Variants in CPEB1 observed in about 807,000 individuals in gnomAD.
The protein encoded by CPEB1 is cytoplasmic polyadenylation element-binding protein 1.
A neutral mutation model predicts 65.8 loss-of-function variants in CPEB1; 7 were observed. The observed-to-expected ratio is 0.11, with a 90% CI of 0.06 to 0.20. The LOEUF (loss-of-function observed/expected upper bound fraction) is 0.20, where lower values mean the gene tolerates loss of function less well. Ranked by LOEUF, CPEB1 falls within the 10% of genes least tolerant of loss-of-function variation. The probability of loss-of-function intolerance (pLI) is 1.00; values close to 1 mark genes in which losing one functional copy is unlikely to be tolerated. For missense variants in CPEB1, 551 were observed against 712.2 expected (o/e 0.77, Z 2.58); for synonymous variants, 262 against 260.0 (o/e 1.01, Z -0.08).
intron 3 of CPEB1, among the ~76,000 whole-genome samples, chr15:82,617,501 TATCCTGGGTGGG>T (rs934289051): frequency 2.0e-5 from 3 of 152,176 alleles, no homozygotes; most frequent in Non-Finnish European, 2.9e-5. Flanking sequence ...AATAATGTGA[TATCCTGGGTGGG>T]ATCCTGGTAC....
chr15:82,613,986 C>T (rs990195764), intron 3 of CPEB1, among the ~76,000 whole-genome samples: 2 of 151,916 alleles, frequency 1.3e-5, no homozygotes, highest in Non-Finnish European at 2.9e-5. Context: ...GGCAAGCCTC[C>T]GCCAAGCAGT....
At chr15:82,582,978 T>C (rs1174865717) in intron 3 of CPEB1, among the ~76,000 whole-genome samples, 4 of 152,018 alleles carry the variant, frequency 2.6e-5, no homozygotes, top group South Asian at 2.1e-4. Flanking sequence ...CCTGACCTTG[T>C]GATCCGCCCG....
At chr15:82,617,711 T>C (rs2044858024) in intron 3 of CPEB1, among the ~76,000 whole-genome samples, 2 of 149,974 alleles carry the variant, frequency 1.3e-5, no homozygotes, top group Admixed American at 6.6e-5. Flanking sequence ...TAATTGTTAT[T>C]AATTCTATTA....
chr15:82,584,821 A>C (rs906545733), intron 3 of CPEB1, among the ~76,000 whole-genome samples: 1 of 151,414 alleles, frequency 6.6e-6, no homozygotes, highest in Non-Finnish European at 1.5e-5. Flanking sequence ...CGTTTGAAAA[A>C]AAAAACTGGA....
chr15:82,613,774 C>T (rs1008271703), intron 3 of CPEB1, among the ~76,000 whole-genome samples: 1 of 151,772 alleles, frequency 6.6e-6, no homozygotes, highest in Non-Finnish European at 1.5e-5. Context: ...AGTTCACTCA[C>T]AACCCCTCCC....
At chr15:82,595,708 G>T (rs987562833) in intron 3 of CPEB1, among the ~76,000 whole-genome samples, 5 of 152,104 alleles carry the variant, frequency 3.3e-5, no homozygotes. Flanking sequence ...TTGAAGAAAC[G>T]TTCTCTTCTG....
chr15:82,591,723 T>C (rs1321997919), intron 3 of CPEB1, among the ~76,000 whole-genome samples: 2 of 152,200 alleles, frequency 1.3e-5, no homozygotes. Flanking sequence ...GAATCTATTT[T>C]CTGTCTCTAC....
At chr15:82,595,618 A>C (rs533637743) in intron 3 of CPEB1, among the ~76,000 whole-genome samples, 20 of 152,380 alleles carry the variant, frequency 1.3e-4, no homozygotes, top group Admixed American at 5.2e-4. Flanking sequence ...TTACTGGTCA[A>C]CTTTGGAGAA....
chr15:82,643,863 G>A (rs369003717), intron 1 of CPEB1, among the ~76,000 whole-genome samples: 3 of 152,260 alleles, frequency 2.0e-5, no homozygotes, highest in East Asian at 3.9e-4. Flanking sequence ...GGAAATCTAA[G>A]AGACAGCATT....
At chr15:82,581,604 G>A (rs190721543) in intron 3 of CPEB1, among the ~76,000 whole-genome samples, 104 of 152,162 alleles carry the variant, frequency 6.8e-4, no homozygotes, top group African/African-American at 2.4e-3. Flanking sequence ...TATCCTTGCC[G>A]ACAATTTACA....
At chr15:82,635,020 A>T (rs993164617) in intron 1 of CPEB1, among the ~76,000 whole-genome samples, 7 of 151,908 alleles carry the variant, frequency 4.6e-5, no homozygotes, top group African/African-American at 1.5e-4. Flanking sequence ...CACCCAGCTA[A>T]TTTTTTATAT....
intron 1 of CPEB1, chr15:82,629,346 C>T (rs2046040059): frequency 1.0e-6 from 1 of 985,034 alleles, no homozygotes; most frequent in South Asian, 4.7e-5. Context: ...ACCACCCAAA[C>T]TGATTAAGTT....
At chr15:82,567,899 A>C (rs921487383) in intron 4 of CPEB1, among the ~76,000 whole-genome samples, 1 of 152,174 alleles carries the variant, frequency 6.6e-6, no homozygotes, top group African/African-American at 2.4e-5. Flanking sequence ...AGACAAATCC[A>C]GCGGGTGGTA....
At chr15:82,576,165 A>G (rs1596052193) in intron 3 of CPEB1, among the ~76,000 whole-genome samples, 1 of 152,242 alleles carries the variant, frequency 6.6e-6, no homozygotes, top group South Asian at 2.1e-4. Context: ...GGCAACAATA[A>G]GATAATTATG....
chr15:82,583,872 C>T (rs573869003), intron 3 of CPEB1, among the ~76,000 whole-genome samples: 21 of 152,220 alleles, frequency 1.4e-4, no homozygotes, highest in Middle Eastern at 3.4e-3. Flanking sequence ...TGTACAATGC[C>T]TGTAAAGGAA....
intron 3 of CPEB1, among the ~76,000 whole-genome samples, chr15:82,620,589 A>G (rs568985529): frequency 1.3e-5 from 2 of 152,198 alleles, no homozygotes; most frequent in African/African-American, 2.4e-5. Context: ...CTTAAGCCCA[A>G]GAGTCCAAGA....
chr15:82,571,587 A>G (rs1485456710), intron 3 of CPEB1, 55 bp from the exon 4 acceptor site: 6 of 1,562,476 alleles, frequency 3.8e-6, no homozygotes, highest in Admixed American at 3.8e-5. Context: ...GTTTTCCCCA[A>G]TATTATCAAC....
At chr15:82,622,229 C>G (rs1173177130) in intron 3 of CPEB1, among the ~76,000 whole-genome samples, 1 of 152,120 alleles carries the variant, frequency 6.6e-6, no homozygotes, top group Non-Finnish European at 1.5e-5. Context: ...AAATCCAGCT[C>G]TGGCCTGACC....
intron 1 of CPEB1, 50 bp from the exon 2 acceptor site, chr15:82,628,606 C>G (rs1316309638): frequency 1.7e-6 from 1 of 595,334 alleles, no homozygotes; most frequent in East Asian, 2.8e-5. Context: ...AACATTTTTA[C>G]AGAAATGAAA....
Sources: gnomAD v4.1 joint callset for allele counts (sites outside exome capture counted in the v4.1 genomes callset) on GRCh38, gnomAD v4.1.1 for gene constraint, MANE v1.5 for transcripts, NCBI Gene and HGNC (gene_info 2026-07-23, HGNC 2026-07-21) for gene names.